Variants in NUDT14 observed in about 807,000 individuals in gnomAD.
NUDT14 encodes nudix hydrolase 14.
Under a neutral mutation model 17.5 loss-of-function variants are expected in NUDT14, and 22 were observed. That is an observed-to-expected ratio of 1.26 (90% confidence interval 0.90 to 1.80). The LOEUF (loss-of-function observed/expected upper bound fraction) is 1.80. NUDT14 is among the 40% of genes most tolerant of loss of function. The pLI, the probability that NUDT14 is intolerant of heterozygous loss-of-function variation, is 0.00. For missense variants in NUDT14, 296 were observed against 295.6 expected, an observed-to-expected ratio of 1.00 and a Z score of -0.01; for synonymous variants, 129 against 125.8, an observed-to-expected ratio of 1.03 and a Z score of -0.17.
intron 1 of NUDT14, among the ~76,000 whole-genome samples, chr14:105,177,960 A>G (rs1388750468): frequency 1.3e-5 from 2 of 151,936 alleles, no homozygotes; most frequent in Non-Finnish European, 2.9e-5. Flanking sequence ...GAGGCAGAAG[A>G]CCAGGGCAAA....
intron 1 of NUDT14, among the ~76,000 whole-genome samples, chr14:105,178,018 AC>A (rs1201073476): frequency 6.6e-6 from 1 of 152,138 alleles, no homozygotes; most frequent in Non-Finnish European, 1.5e-5. Context: ...CCCAGCACAG[AC>A]CGAGCACAAG....
chr14:105,176,873 G>T, intron 3 of NUDT14, 90 bp downstream of exon 3: 2 of 1,553,466 alleles, frequency 1.3e-6, no homozygotes, highest in Non-Finnish European at 1.8e-6. Context: ...TTCCCCTGGA[G>T]CCCCCTCCCA....
chr14:105,175,978 C>T (rs1001015122), intron 4 of NUDT14: 5 of 1,272,948 alleles, frequency 3.9e-6, no homozygotes, highest in African/African-American at 1.5e-5. Flanking sequence ...AGGAGCCCAT[C>T]GTAGCGTCCC....
intron 1 of NUDT14, among the ~76,000 whole-genome samples, chr14:105,179,258 T>C (rs1045182843): frequency 6.6e-6 from 1 of 152,088 alleles, no homozygotes; most frequent in African/African-American, 2.4e-5. Flanking sequence ...GAAGACCCCA[T>C]CGCCTCGGAG....
intron 4 of NUDT14, among the ~76,000 whole-genome samples, chr14:105,174,739 G>C (rs1457633501): frequency 6.6e-6 from 1 of 152,106 alleles, no homozygotes; most frequent in Middle Eastern, 3.2e-3. Context: ...CCCGGGCTGA[G>C]AGGAATCTGC....
At chr14:105,177,148 C>T in intron 2 of NUDT14, 121 bp from the exon 3 acceptor site, 8 of 901,846 alleles carry the variant, frequency 8.9e-6, no homozygotes, top group Non-Finnish European at 1.4e-5. Context: ...CCAGGGAGGT[C>T]AGGCCCCTTG....
At chr14:105,179,098 C>T (rs1383887636) in intron 1 of NUDT14, among the ~76,000 whole-genome samples, 1 of 152,160 alleles carries the variant, frequency 6.6e-6, no homozygotes, top group Non-Finnish European at 1.5e-5. Flanking sequence ...ACTGCTTCCC[C>T]CCGAGTAACA....
At chr14:105,176,079 C>T in intron 4 of NUDT14, 1 of 1,082,608 alleles carries the variant, frequency 9.2e-7, no homozygotes, top group South Asian at 1.6e-5. Flanking sequence ...GAGTTGGTGC[C>T]TCGAGTTTGG....
intron 1 of NUDT14, 114 bp from the exon 2 acceptor site, chr14:105,177,849 G>T: frequency 2.0e-6 from 2 of 983,516 alleles, no homozygotes; most frequent in Non-Finnish European, 3.1e-6. Flanking sequence ...TCGGCTCGTG[G>T]CCTGGGCCCA....
In NUDT14 at chr14:105,176,706, GC is replaced by G. The variant is rs1889220863; in HGVS notation, c.255del (p.Pro86LeufsTer14). 1 of 1,612,608 alleles carries G rather than the reference GC, an allele frequency of 6.2e-7. No individual in the cohort carries two copies. The highest frequency in any genetic ancestry group is 1.3e-5 in the African/African-American group (1 of 74,918). ...PGSLAAVDQDGPRELQPALPG... is the reference protein window; with the variant it reads ...PGSLAAVDQDXPRELQPALPG... ...GGCAGGGCTGGCTGTAGCTCCCGAGGCCCGTCCTGGTCTACAGCTGCTAGGG... is the reference window on the plus strand; with the variant it reads ...GGCAGGGCTGGCTGTAGCTCCCGAGGCCGTCCTGGTCTACAGCTGCTAGGG... On this transcript the variant is annotated frameshift_variant, in exon 4 of 5. Transcript: ENST00000392568. LOFTEE classifies it high-confidence loss of function.
In NUDT14 at chr14:105,176,561, G is replaced by C. The variant is rs747463026; in HGVS notation, c.401C>G (p.Ser134Cys). 4 of 1,612,586 alleles carry C rather than the reference G, an allele frequency of 2.5e-6. No individual in the cohort carries two copies. Among genetic ancestry groups the C allele is most frequent in the South Asian group, 1.1e-5 (1 of 91,090 alleles). Residue 134 changes from serine (S) to cysteine (C), a missense_variant, in exon 4 of 5, where the codon TCT becomes TGT. Coordinates refer to ENST00000392568, the MANE Select transcript of NUDT14 (RefSeq NM_177533.5). ...WEECGYHLAP[S>C]DLRRVATYWS... ...GTATGTGGCGACCCGGCGCAGATCA[G>C]AGGGGGCCAAGTGGTAGCCACACTC... is the stretch of plus-strand genomic sequence containing the variant.
intron 2 of NUDT14, chr14:105,177,379 A>G (rs943209719): frequency 5.1e-5 from 28 of 546,850 alleles, no homozygotes; most frequent in African/African-American, 4.5e-4. Flanking sequence ...ACACTCCTCG[A>G]GCCACGTCGC....
At chr14:105,174,694 C>T (rs983898298) in intron 4 of NUDT14, among the ~76,000 whole-genome samples, 3 of 152,126 alleles carry the variant, frequency 2.0e-5, no homozygotes, top group Non-Finnish European at 4.4e-5. Flanking sequence ...CCCCGGTTTC[C>T]GCCGGCTTGT....
In NUDT14 at chr14:105,181,262, C is replaced by A. The variant is rs1489842199; in HGVS notation, c.-53G>T. Reference sequence around the variant, plus strand: ...GAGCTCTGCGGGGGCCGACACGGGGCGGCGCCCTGTCCCGACAGGAGCCTT... The same window carrying A: ...GAGCTCTGCGGGGGCCGACACGGGGAGGCGCCCTGTCCCGACAGGAGCCTT... On this transcript the variant is annotated 5_prime_UTR_variant, in exon 1 of 5. Transcript: ENST00000392568. This position sits in a 1 kb window ranked among gnomAD's most constrained non-coding sequence, Gnocchi z 5.0. The A allele has an allele frequency of 1.4e-5, 10 of 695,742 alleles. No homozygotes were observed. The highest frequency in any genetic ancestry group is 1.8e-5 in the Non-Finnish European group (10 of 543,938). The allele number at this position is 695,742 out of a possible 1,614,324, so 43.1% of individuals were successfully genotyped here. A position where few individuals can be genotyped will look rare whatever the true frequency, so the allele number is the denominator to read the frequency against.
chr14:105,176,551 G>T lies in NUDT14; in HGVS notation c.411C>A (p.Arg137=). The T allele has an allele frequency of 6.2e-7, 1 of 1,612,578 alleles. No individual in the cohort carries two copies. Among genetic ancestry groups the T allele is most frequent in the Non-Finnish European group, 8.5e-7 (1 of 1,179,784 alleles). Residue 137 remains arginine, a synonymous_variant, in exon 4 of 5, where the codon CGC becomes CGA. Transcript: ENST00000392568. ...CCACTCACCAGTATGTGGCGACCCG[G>T]CGCAGATCAGAGGGGGCCAAGTGGT... ...CGYHLAPSDL[R]RVATYWSGVG... is the part of the protein sequence containing the mutation.
At position 105,180,061 on chromosome 14, in the gene NUDT14, T is replaced by C. The variant is rs183028190; in HGVS notation, c.81+1068A>G. Among the ~76,000 whole-genome samples, 14 of 152,174 alleles carry C rather than the reference T, an allele frequency of 9.2e-5. No homozygotes were observed. In the East Asian group the frequency reaches 2.7e-3, roughly 29 times the overall value. Reference sequence around the variant, plus strand: ...GAGCTCTGGCAGAGGGGAGATCTGCTGGGGGCAGGTGGGCATGCAAGCAAA... The same window carrying C: ...GAGCTCTGGCAGAGGGGAGATCTGCCGGGGGCAGGTGGGCATGCAAGCAAA... On this transcript the variant is annotated intron_variant, in intron 1 of 4. Coordinates refer to ENST00000392568, the MANE Select transcript of NUDT14 (RefSeq NM_177533.5).
Position 105,181,073 on chromosome 14 carries a change from G to C in NUDT14, c.81+56C>G, listed in dbSNP as rs1050466034. 2 of 497,140 alleles carry C rather than the reference G, an allele frequency of 4.0e-6. No individual in the cohort carries two copies. The highest frequency in any genetic ancestry group is 6.0e-5 in the Admixed American group (1 of 16,606). The allele number at this position is 497,140 out of a possible 1,614,324, so 30.8% of individuals were successfully genotyped here. A position where few individuals can be genotyped will look rare whatever the true frequency, so the allele number is the denominator to read the frequency against. ...GCGCGGAAGATGGTGGGCGGGGCGC[G>C]GGTCGTGGGCCGGGCCGCCGGCGGG... On this transcript the variant is annotated intron_variant, in intron 1 of 4. Coordinates refer to ENST00000392568, the MANE Select transcript of NUDT14 (RefSeq NM_177533.5). This position sits in a 1 kb window ranked among gnomAD's most constrained non-coding sequence, Gnocchi z 5.0.
intron 1 of NUDT14, among the ~76,000 whole-genome samples, chr14:105,178,918 G>A (rs1003342154): frequency 5.9e-5 from 9 of 152,258 alleles, no homozygotes; most frequent in South Asian, 4.1e-4. Context: ...CCGGCGTCCC[G>A]CGCAGGTCAG....
At chr14:105,178,946 G>A (rs1275517785) in intron 1 of NUDT14, among the ~76,000 whole-genome samples, 2 of 152,216 alleles carry the variant, frequency 1.3e-5, no homozygotes, top group East Asian at 3.9e-4. Flanking sequence ...GAGAGGCCGT[G>A]GGGTACCACT....
Sources: allele counts gnomAD v4.1 joint callset (sites outside exome capture counted in the v4.1 genomes callset), GRCh38; gene constraint gnomAD v4.1.1; non-coding constraint Gnocchi (gnomAD v3.1); transcripts MANE v1.5; gene names NCBI Gene and HGNC (gene_info 2026-07-23, HGNC 2026-07-21).